The following DIAPH3 variants were observed in gnomAD, a reference collection of about 807,000 sequenced individuals.
The protein encoded by DIAPH3 is protein diaphanous homolog 3.
A neutral mutation model predicts 144.3 loss-of-function variants in DIAPH3; 117 were observed. The ratio of observed to expected loss-of-function variants is 0.81; its 90% confidence interval spans 0.70 to 0.95. DIAPH3 has a LOEUF of 0.95. DIAPH3 is among the 40% of genes least tolerant of loss of function. DIAPH3 has a pLI of 0.00. For synonymous variants in DIAPH3, 519 were observed against 488.9 expected, an observed-to-expected ratio of 1.06 and a Z score of -0.81; for missense variants, 1,421 against 1,412.7, an observed-to-expected ratio of 1.01 and a Z score of -0.09.
At chr13:60,159,255 T>C (rs2036501103) in intron 1 of DIAPH3, among the ~76,000 whole-genome samples, 1 of 152,146 alleles carries the variant, frequency 6.6e-6, no homozygotes, top group African/African-American at 2.4e-5. Flanking sequence ...TTGCTAATGG[T>C]TCCTGGATGA....
intron 27 of DIAPH3, among the ~76,000 whole-genome samples, chr13:59,759,144 A>G (rs2037442742): frequency 6.6e-6 from 1 of 152,016 alleles, no homozygotes; most frequent in Admixed American, 6.6e-5. Flanking sequence ...ATTTTTTGAA[A>G]GAAAAATACC....
intron 5 of DIAPH3, among the ~76,000 whole-genome samples, chr13:60,023,653 C>T (rs1198324001): frequency 1.3e-5 from 2 of 151,768 alleles, no homozygotes; most frequent in East Asian, 3.9e-4. Flanking sequence ...AGGCTAGTCT[C>T]GAAGTCCTGA....
chr13:60,017,366 C>T (rs1048687760), intron 5 of DIAPH3, among the ~76,000 whole-genome samples: 14 of 149,004 alleles, frequency 9.4e-5, no homozygotes, highest in Admixed American at 6.1e-4. Context: ...ATCGCGCCAT[C>T]GTACTCCAGC....
chr13:60,003,065 C>T (rs766897864), intron 9 of DIAPH3, among the ~76,000 whole-genome samples: 4 of 152,124 alleles, frequency 2.6e-5, no homozygotes, highest in Non-Finnish European at 4.4e-5. Flanking sequence ...CACACATGAA[C>T]AATGGACACT....
intron 20 of DIAPH3, among the ~76,000 whole-genome samples, chr13:59,904,191 G>GA (rs1309675975): frequency 2.6e-5 from 4 of 152,008 alleles, no homozygotes; most frequent in Non-Finnish European, 2.9e-5. Flanking sequence ...GAGGCAGAGA[G>GA]AAAAAAAGTA....
intron 4 of DIAPH3, among the ~76,000 whole-genome samples, chr13:60,075,952 C>T (rs2057364851): frequency 6.6e-6 from 1 of 152,196 alleles, no homozygotes; most frequent in Admixed American, 6.5e-5. Flanking sequence ...AATAGCAGTC[C>T]ACCCTGCATA....
At chr13:60,105,125 A>AAAAAAAAAAAAAAAAC (rs2058383698) in intron 3 of DIAPH3, among the ~76,000 whole-genome samples, 4 of 148,538 alleles carry the variant, frequency 2.7e-5, no homozygotes, top group African/African-American at 9.9e-5. Flanking sequence ...AAAAAAAAAA[A>AAAAAAAAAAAAAAAAC]CTGCCAGTGA....
intron 25 of DIAPH3, among the ~76,000 whole-genome samples, chr13:59,793,278 T>C (rs889121475): frequency 1.3e-5 from 2 of 150,452 alleles, no homozygotes; most frequent in Non-Finnish European, 2.9e-5. Context: ...GTTTACTCCA[T>C]TGATTGTCAT....
At chr13:60,024,470 T>C (rs530492190) in intron 5 of DIAPH3, among the ~76,000 whole-genome samples, 1 of 152,228 alleles carries the variant, frequency 6.6e-6, no homozygotes, top group Non-Finnish European at 1.5e-5. Context: ...AATAGTTTCC[T>C]GTATTTCTTT....
intron 12 of DIAPH3, among the ~76,000 whole-genome samples, chr13:59,985,182 A>C (rs1216012009): frequency 4.0e-5 from 5 of 125,676 alleles, no homozygotes; most frequent in South Asian, 6.0e-4. Context: ...GCAAATCAAT[A>C]AATGTAATCC....
At chr13:60,099,970 A>AGGAAGGAAGGAG (rs1289039348) in intron 3 of DIAPH3, among the ~76,000 whole-genome samples, 3 of 147,798 alleles carry the variant, frequency 2.0e-5, no homozygotes, top group African/African-American at 7.7e-5. Flanking sequence ...GAAGGAAGGA[A>AGGAAGGAAGGAG]GGAAAGTCAA....
At chr13:59,867,275 G>A (rs1010482037) in intron 21 of DIAPH3, among the ~76,000 whole-genome samples, 4 of 151,078 alleles carry the variant, frequency 2.6e-5, no homozygotes, top group African/African-American at 9.7e-5. Flanking sequence ...CGGCATAGAT[G>A]ACAGAGTGAG....
chr13:59,765,437 T>C (rs1020341824), intron 27 of DIAPH3, among the ~76,000 whole-genome samples: 4 of 152,206 alleles, frequency 2.6e-5, no homozygotes, highest in Non-Finnish European at 5.9e-5. Context: ...CACTTTCATT[T>C]AGTCTTCCTA....
intron 17 of DIAPH3, among the ~76,000 whole-genome samples, chr13:59,957,841 C>T (rs926068984): frequency 1.1e-4 from 16 of 152,204 alleles, no homozygotes; most frequent in Non-Finnish European, 2.2e-4. Context: ...CACAATTATC[C>T]CATTGGCTAT....
At chr13:59,790,204 T>A (rs2039255020) in intron 25 of DIAPH3, among the ~76,000 whole-genome samples, 1 of 152,238 alleles carries the variant, frequency 6.6e-6, no homozygotes, top group Non-Finnish European at 1.5e-5. Context: ...AATTGCTTAA[T>A]ACTGAGGCAA....
chr13:59,736,633 T>G (rs570272544), intron 27 of DIAPH3, among the ~76,000 whole-genome samples: 3 of 152,306 alleles, frequency 2.0e-5, no homozygotes, highest in Admixed American at 6.5e-5. Flanking sequence ...ACCATTGACA[T>G]TCTTCACAGA....
chr13:59,775,824 C>T (rs2038385238), intron 25 of DIAPH3, among the ~76,000 whole-genome samples: 1 of 152,096 alleles, frequency 6.6e-6, no homozygotes, highest in East Asian at 1.9e-4. Flanking sequence ...AAATTGATAT[C>T]CTGTATATAA....
intron 17 of DIAPH3, among the ~76,000 whole-genome samples, chr13:59,949,134 T>C (rs2048964394): frequency 1.3e-5 from 2 of 152,144 alleles, no homozygotes; most frequent in African/African-American, 4.8e-5. Context: ...GACTTCCTTA[T>C]CATATAGGCT....
At chr13:59,841,808 T>G (rs551917005) in intron 22 of DIAPH3, among the ~76,000 whole-genome samples, 1 of 152,310 alleles carries the variant, frequency 6.6e-6, no homozygotes, top group South Asian at 2.1e-4. Flanking sequence ...AAGTGTTTTC[T>G]ATTAATTAAC....
Sources: gnomAD v4.1 joint callset for allele counts (sites outside exome capture counted in the v4.1 genomes callset) on GRCh38, gnomAD v4.1.1 for gene constraint, MANE v1.5 for transcripts, NCBI Gene and HGNC (gene_info 2026-07-23, HGNC 2026-07-21) for gene names.